Variants in NEGR1 observed in about 807,000 individuals in gnomAD.
NEGR1 encodes the protein neuronal growth regulator 1.
NEGR1 carries 10 observed loss-of-function variants against 40.9 expected under a neutral mutation model. The ratio of observed to expected loss-of-function variants is 0.24; its 90% CI spans 0.15 to 0.42. The LOEUF is 0.42. Ranked by LOEUF, NEGR1 falls within the 10% of genes least tolerant of loss-of-function variation. The pLI is 1.00. For missense variants in NEGR1, 352 were observed against 438.9 expected (o/e 0.80, Z 1.77); for synonymous variants, 185 against 166.8 (o/e 1.11, Z -0.84).
At chr1:71,731,476 G>T (rs945899205) in intron 3 of NEGR1, among the ~76,000 whole-genome samples, 17 of 152,216 alleles carry the variant, frequency 1.1e-4, no homozygotes, top group Non-Finnish European at 1.8e-4. Flanking sequence ...CAGAGCCAAT[G>T]TAAGGGATAT....
chr1:71,813,825 C>T (rs1305610962), intron 2 of NEGR1, among the ~76,000 whole-genome samples: 1 of 152,016 alleles, frequency 6.6e-6, no homozygotes, highest in Non-Finnish European at 1.5e-5. Context: ...GCTTAAGAAG[C>T]TTCTGGGCTG....
intron 2 of NEGR1, among the ~76,000 whole-genome samples, chr1:71,841,545 C>G (rs113504135): frequency 0.011 from 1,604 of 152,122 alleles, 22 homozygotes; most frequent in Non-Finnish European, 0.016. Context: ...TATTTGTCCC[C>G]CACTGGGGAC....
At chr1:71,711,562 T>C (rs573967797) in intron 3 of NEGR1, among the ~76,000 whole-genome samples, 86 of 151,154 alleles carry the variant, frequency 5.7e-4, no homozygotes, top group South Asian at 1.3e-3. Flanking sequence ...GAGTGTGAAA[T>C]GGTGTGGCCA....
rs180732309 is a variant in NEGR1 at position 72,172,989 on chromosome 1, T to A, written c.176+109330A>T. On this transcript the variant is annotated intron_variant, in intron 1 of 6. Coordinates refer to ENST00000357731, the MANE Select transcript of NEGR1 (RefSeq NM_173808.3). ...ATTCACGGACCATCCCAAGGTCAAG[T>A]TTTTTCATTTTTATTTTATTTATTT... 1.5e-4 allele frequency among the ~76,000 whole-genome samples: 23 copies of A among 151,988 alleles called. No individual in the cohort carries two copies. The East Asian group carries it at 4.1e-3, about 27-fold the overall frequency.
intron 2 of NEGR1, among the ~76,000 whole-genome samples, chr1:71,901,113 A>T (rs2101863301): frequency 6.6e-6 from 1 of 152,272 alleles, no homozygotes; most frequent in African/African-American, 2.4e-5. Context: ...GATTTGTTGA[A>T]GTGTCAATGA....
chr1:71,421,966 T>C (rs1646397658), intron 6 of NEGR1, among the ~76,000 whole-genome samples: 1 of 151,944 alleles, frequency 6.6e-6, no homozygotes, highest in Non-Finnish European at 1.5e-5. Context: ...TAATAAGCAC[T>C]GTGAATGTTC....
chr1:71,552,868 T>C (rs1648133167), intron 6 of NEGR1, among the ~76,000 whole-genome samples: 1 of 151,518 alleles, frequency 6.6e-6, no homozygotes, highest in African/African-American at 2.4e-5. Context: ...TATTCAGCAA[T>C]TGAAACTGCC....
chr1:71,688,421 T>TATATATAAAAG (rs1553158658), intron 4 of NEGR1, among the ~76,000 whole-genome samples: 3 of 98,836 alleles, frequency 3.0e-5, no homozygotes, highest in African/African-American at 8.1e-5. Flanking sequence ...ATATAAAAGA[T>TATATATAAAAG]ATATATATAA....
chr1:71,789,598 G>A (rs2101733484), intron 2 of NEGR1, among the ~76,000 whole-genome samples: 1 of 152,162 alleles, frequency 6.6e-6, no homozygotes, highest in Admixed American at 6.6e-5. Flanking sequence ...CAAGTACTAA[G>A]TGTATAAAAT....
At chr1:71,938,410 GTTTTTT>G (rs571760372) in intron 1 of NEGR1, among the ~76,000 whole-genome samples, 1 of 109,894 alleles carries the variant, frequency 9.1e-6, no homozygotes, top group African/African-American at 3.4e-5. Flanking sequence ...ATGTGTAGGT[GTTTTTT>G]TTTTTTTTTT....
chr1:72,155,141 G>A (rs1004690983), intron 1 of NEGR1, among the ~76,000 whole-genome samples: 6 of 151,848 alleles, frequency 4.0e-5, no homozygotes, highest in African/African-American at 1.2e-4. Flanking sequence ...TCTCAATTAC[G>A]CCTTGAGTAC....
At chr1:71,985,214 A>G (rs1387514892) in intron 1 of NEGR1, among the ~76,000 whole-genome samples, 3 of 152,234 alleles carry the variant, frequency 2.0e-5, no homozygotes, top group East Asian at 1.9e-4. Flanking sequence ...AATCATAAAT[A>G]AAAAGCAGCC....
chr1:71,688,794 A>T (rs1168788625), intron 4 of NEGR1, among the ~76,000 whole-genome samples: 3 of 152,154 alleles, frequency 2.0e-5, no homozygotes, highest in African/African-American at 7.2e-5. Context: ...TTCTGATACT[A>T]TTGATACACA....
At position 71,402,682 on chromosome 1, in the gene NEGR1, T is replaced by C. The variant is rs1167556045; in HGVS notation, c.*4764A>G. 6.6e-6 allele frequency: 1 copy of C among 152,122 alleles called. No homozygotes were observed. Among genetic ancestry groups the C allele is most frequent in the Non-Finnish European group, 1.5e-5 (1 of 67,992 alleles). The allele number at this position is 152,122 out of a possible 1,614,324, so 9.4% of individuals were successfully genotyped here. On this transcript the variant is annotated 3_prime_UTR_variant, in exon 7 of 7. Transcript: ENST00000357731. The stretch of plus-strand genomic sequence containing the variant: ...GTGTTTGGATCAAATTCCACTAACT[T>C]GAATGAATTACCTTGGAAAATTATC...
chr1:71,682,824 T>C (rs1652885080), intron 4 of NEGR1, among the ~76,000 whole-genome samples: 1 of 152,164 alleles, frequency 6.6e-6, no homozygotes, highest in Non-Finnish European at 1.5e-5. Flanking sequence ...ATTGCATTAG[T>C]TATCAGGATA....
chr1:71,851,855 A>G (rs1440518620), intron 2 of NEGR1, among the ~76,000 whole-genome samples: 1 of 152,158 alleles, frequency 6.6e-6, no homozygotes, highest in African/African-American at 2.4e-5. Context: ...TTACTAATTA[A>G]TTAACAGTTT....
chr1:71,943,350 T>TGGG (rs1483639011), intron 1 of NEGR1, among the ~76,000 whole-genome samples: 1 of 150,770 alleles, frequency 6.6e-6, no homozygotes, highest in Non-Finnish European at 1.5e-5. Context: ...TATATATACA[T>TGGG]ATATATGTAT....
chr1:71,872,119 A>AT lies in NEGR1; in HGVS notation c.409+62959dup, dbSNP rs140317619. ...TAAAATTGGTGAACAACTATAGTCC[A>AT]TTCAATTGCTTAAAAGTTTCTAAAT... is the stretch of plus-strand genomic sequence containing the variant. On this transcript the variant is annotated intron_variant, in intron 2 of 6. Transcript: ENST00000357731. 6.8e-3 allele frequency among the ~76,000 whole-genome samples: 1,035 copies of AT among 152,342 alleles called. 8 individuals carry two copies. The highest frequency in any genetic ancestry group is 0.024 in the African/African-American group (979 of 41,574).
At chr1:72,263,417 A>AT (rs1407341105) in intron 1 of NEGR1, among the ~76,000 whole-genome samples, 1 of 151,574 alleles carries the variant, frequency 6.6e-6, no homozygotes, top group Admixed American at 6.6e-5. Context: ...ATGTAGATGG[A>AT]TAAGCATTCC....
Sources: allele counts gnomAD v4.1 joint callset (sites outside exome capture counted in the v4.1 genomes callset), GRCh38; gene constraint gnomAD v4.1.1; transcripts MANE v1.5; gene names NCBI Gene and HGNC (gene_info 2026-07-23, HGNC 2026-07-21).